ABCA1: variants seen among roughly 807,000 people sequenced by gnomAD.
ABCA1 encodes the protein phospholipid-transporting ATPase ABCA1.
In ABCA1, 133 loss-of-function variants were observed where a neutral mutation model predicts 262.5. The observed-to-expected ratio is 0.51, with a 90% CI of 0.44 to 0.59. The LOEUF (loss-of-function observed/expected upper bound fraction) is 0.59, where lower values mean the gene tolerates loss of function less well. Among genes scored for constraint, ABCA1 ranks in the 20% least tolerant of loss-of-function variants. The probability of loss-of-function intolerance (pLI) is 0.00; values close to 1 mark genes in which losing one functional copy is unlikely to be tolerated. For missense variants in ABCA1, 2,452 were observed against 2,777.5 expected, an observed-to-expected ratio of 0.88 and a Z score of 2.63; for synonymous variants, 1,022 against 1,043.5, an observed-to-expected ratio of 0.98 and a Z score of 0.40.
chr9:104,898,549 AAAATAAAT>A (rs60925856), intron 2 of ABCA1, among the ~76,000 whole-genome samples: 22,267 of 142,992 alleles, frequency 0.16, 1,972 homozygotes, highest in African/African-American at 0.21. Context: ...TCCGTCTTGA[AAAATAAAT>A]AAATAAATAA....
chr9:104,812,992 C>T (rs531856168), intron 27 of ABCA1, among the ~76,000 whole-genome samples: 7 of 152,176 alleles, frequency 4.6e-5, no homozygotes, highest in Non-Finnish European at 1.0e-4. Context: ...GGTGTTCATG[C>T]GTAACCAGGT....
At chr9:104,819,850 C>T (rs771801720) in intron 21 of ABCA1, 77 bp downstream of exon 21, 9 of 1,608,800 alleles carry the variant, frequency 5.6e-6, no homozygotes, top group Non-Finnish European at 6.8e-6. Context: ...GACCCTGGGG[C>T]AGTGCTGATT....
rs139804960 is a variant in ABCA1 at position 104,829,090 on chromosome 9, G to T, written c.1941C>A (p.Ala647=). Residue 647 remains alanine (A), a synonymous_variant, in exon 15 of 50, where the codon GCC becomes GCA. Transcript: ENST00000374736. ...TGATCACAGCCACTGAGTAAATCCA[G>T]GCCAGCGTCATGAAGAGGGGCATTG... is the stretch of plus-strand genomic sequence containing the variant. The part of the protein sequence containing the change: ...SRSMPLFMTL[A]WIYSVAVIIK... 1.9e-6 allele frequency: 3 copies of T among 1,614,060 alleles called. No individual in the cohort carries two copies. In the African/African-American group the frequency reaches 4.0e-5, roughly 22 times the overall value.
intron 2 of ABCA1, among the ~76,000 whole-genome samples, chr9:104,896,354 T>C (rs1048490227): frequency 2.6e-5 from 4 of 152,130 alleles, no homozygotes. Flanking sequence ...ACCACAGAAC[T>C]GTAGTAGGAT....
At chr9:104,840,621 C>A in intron 8 of ABCA1, 102 bp from the exon 9 acceptor site, 2 of 1,211,998 alleles carry the variant, frequency 1.7e-6, no homozygotes. Context: ...ATTTTCTTGA[C>A]CTCTCAAAAG....
chr9:104,796,385 A>C lies in ABCA1; in HGVS notation c.5161T>G (p.Phe1721Val). The C allele has an allele frequency of 6.2e-7, 1 of 1,614,232 alleles. No individual in the cohort carries two copies. Among genetic ancestry groups the C allele is most frequent in the South Asian group, 1.1e-5 (1 of 91,086 alleles). Residue 1721 changes from phenylalanine (F) to valine (V), a missense_variant, in exon 38 of 50, where the codon TTC (phenylalanine) becomes GTC (valine). Coordinates refer to ENST00000374736, the MANE Select transcript of ABCA1 (RefSeq NM_005502.4). The stretch of plus-strand genomic sequence containing the variant: ...TAGGACTTCTGCTGGAAGCAGATGA[A>C]GATGATAATGACCAGTGTGGCAGGG... Reference protein sequence around the residue: ...VVPATLVIIIFICFQQKSYVS... With the variant: ...VVPATLVIIIVICFQQKSYVS...
chr9:104,806,255 G>C lies in ABCA1; in HGVS notation c.4450C>G (p.Leu1484Val). 1 of 1,613,106 alleles carries C rather than the reference G, an allele frequency of 6.2e-7. No homozygotes were observed. The highest frequency in any genetic ancestry group is 1.1e-5 in the South Asian group (1 of 91,026). Reference sequence around the variant, plus strand: ...AAGTGACTCACTTGTGGAGGAGGCAGCCCCCCTGCCCCTGGGGGACACACA... The same window carrying C: ...AAGTGACTCACTTGTGGAGGAGGCACCCCCCCTGCCCCTGGGGGACACACA... Reference protein sequence around the residue: ...LPVCPPGAGGLPPPQRKQNTA... With the variant: ...LPVCPPGAGGVPPPQRKQNTA... The change falls in exon 31 of 50, where the codon CTG becomes GTG. Residue 1484 changes from leucine to valine, a missense_variant. Leu to Val is a conservative substitution (Grantham distance 32). This residue lies in a region of ABCA1 where 752 missense variants were observed against 944.5 expected (regional missense o/e 0.80). Coordinates refer to ENST00000374736, the MANE Select transcript of ABCA1 (RefSeq NM_005502.4).
chr9:104,831,467 C>T (rs1201785630), intron 13 of ABCA1, among the ~76,000 whole-genome samples, 155 bp downstream of exon 13: 1 of 152,116 alleles, frequency 6.6e-6, no homozygotes, highest in Non-Finnish European at 1.5e-5. Context: ...AAGTCATGTA[C>T]CAATTTCACC....
intron 1 of ABCA1, among the ~76,000 whole-genome samples, chr9:104,917,716 T>A (rs149944280): frequency 1.8e-4 from 27 of 152,020 alleles, no homozygotes; most frequent in African/African-American, 6.3e-4. Context: ...GTGGTGCCAC[T>A]GCACTCCAGC....
intron 5 of ABCA1, 87 bp downstream of exon 5, chr9:104,882,952 A>C (rs1030125881): frequency 3.1e-6 from 4 of 1,287,566 alleles, no homozygotes; most frequent in Non-Finnish European, 4.5e-6. Flanking sequence ...TCTAATGGGA[A>C]CAAGCCCCAG....
intron 30 of ABCA1, 49 bp from the exon 31 acceptor site, chr9:104,806,479 T>C (rs762013961): frequency 1.1e-4 from 175 of 1,590,570 alleles, no homozygotes; most frequent in Non-Finnish European, 1.4e-4. Context: ...TGGCCTGGCC[T>C]TTCTGTTGCC....
chr9:104,804,788 G>T, intron 31 of ABCA1, 68 bp from the exon 32 acceptor site: 1 of 1,334,228 alleles, frequency 7.5e-7, no homozygotes. Flanking sequence ...AACAAATCAA[G>T]GACAACAGTG....
At chr9:104,850,203 C>A (rs985680769) in intron 7 of ABCA1, among the ~76,000 whole-genome samples, 6 of 152,168 alleles carry the variant, frequency 3.9e-5, no homozygotes, top group Admixed American at 6.5e-5. Context: ...CTCACTGCAA[C>A]CTCCCCCTCC....
rs1340570143 is a variant in ABCA1 at position 104,826,932 on chromosome 9, G to GGCCAGA, written c.2337+10_2337+15dup. On this transcript the variant is annotated intron_variant, in intron 16 of 49. Transcript: ENST00000374736. ...CAAATGCCTACAGCCACTGAAGAAA[G>GGCCAGA]GCCAGAGGTACTCACAGCGAAGATC... 3 of 1,610,976 alleles carry GGCCAGA rather than the reference G, an allele frequency of 1.9e-6. No homozygotes were observed. The African/African-American group carries it at 4.0e-5, about 22-fold the overall frequency.
chr9:104,924,946 A>G (rs1263293330), intron 1 of ABCA1, among the ~76,000 whole-genome samples: 1 of 152,240 alleles, frequency 6.6e-6, no homozygotes, highest in Non-Finnish European at 1.5e-5. Context: ...CTTCAGTTTC[A>G]TTCATTTTTT....
In ABCA1 at chr9:104,781,584, T is replaced by C. The variant is rs545678117; in HGVS notation, c.*2731A>G. 1.3e-5 allele frequency: 2 copies of C among 152,650 alleles called. No homozygotes were observed. Among genetic ancestry groups the C allele is most frequent in the Non-Finnish European group, 2.9e-5 (2 of 68,014 alleles). The allele number at this position is 152,650 out of a possible 1,614,324, so 9.5% of individuals were successfully genotyped here. ...TGAATGAATGATGTGCAACATTTAA[T>C]AGTCACAAAGCATTTGCTTTCAGTA... On this transcript the variant is annotated 3_prime_UTR_variant, in exon 50 of 50. Transcript: ENST00000374736.
In ABCA1 at chr9:104,795,403, T is replaced by C. The variant is rs565573513; in HGVS notation, c.5382+650A>G. On this transcript the variant is annotated intron_variant, in intron 39 of 49. Transcript: ENST00000374736. Reference sequence around the variant, plus strand: ...TGGAGAGGAAGCCTTATTTTAGAGGTCCATACCTGGAAGAACTGACAACAT... The same window carrying C: ...TGGAGAGGAAGCCTTATTTTAGAGGCCCATACCTGGAAGAACTGACAACAT... Among the ~76,000 whole-genome samples, 6 of 152,180 alleles carry C rather than the reference T, an allele frequency of 3.9e-5. No individual in the cohort carries two copies. The South Asian group carries it at 1.2e-3, about 32-fold the overall frequency.
At chr9:104,856,527 C>T (rs1047898182) in intron 7 of ABCA1, among the ~76,000 whole-genome samples, 2 of 152,182 alleles carry the variant, frequency 1.3e-5, no homozygotes, top group Admixed American at 6.5e-5. Flanking sequence ...CACTCTGTCA[C>T]GCTGCTAATC....
At chr9:104,794,826 T>A (rs1052216189) in intron 39 of ABCA1, among the ~76,000 whole-genome samples, 1 of 152,182 alleles carries the variant, frequency 6.6e-6, no homozygotes, top group African/African-American at 2.4e-5. Flanking sequence ...CCCTTAGCAT[T>A]TGAAAAGCAA....
Sources: allele counts gnomAD v4.1 joint callset (sites outside exome capture counted in the v4.1 genomes callset), GRCh38; gene constraint gnomAD v4.1.1; regional missense constraint gnomAD v4.1.1; transcripts MANE v1.5; gene names NCBI Gene and HGNC (gene_info 2026-07-23, HGNC 2026-07-21).